Variants in TMPRSS15 observed in about 807,000 individuals in gnomAD.
TMPRSS15 encodes the protein enteropeptidase.
In TMPRSS15, 128 loss-of-function variants were observed where a neutral mutation model predicts 125.3. The observed-to-expected ratio is 1.02, with a 90% confidence interval of 0.89 to 1.18. The LOEUF (loss-of-function observed/expected upper bound fraction) is 1.18, where lower values mean the gene tolerates loss of function less well. Among genes scored for constraint, TMPRSS15 ranks in the 50% most tolerant of loss-of-function variants. TMPRSS15 has a pLI of 0.00. For synonymous variants in TMPRSS15, 446 were observed against 423.2 expected, an observed-to-expected ratio of 1.05 and a Z score of -0.66; for missense variants, 1,283 against 1,212.7, an observed-to-expected ratio of 1.06 and a Z score of -0.86.
chr21:18,280,341 G>C (rs775277958), intron 22 of TMPRSS15, among the ~76,000 whole-genome samples: 138 of 152,070 alleles, frequency 9.1e-4, no homozygotes, highest in Non-Finnish European at 1.5e-3. Flanking sequence ...CTTTGGGAGG[G>C]CAAGGTGGGT....
At chr21:18,322,666 C>T (rs2075251144) in intron 16 of TMPRSS15, among the ~76,000 whole-genome samples, 1 of 152,024 alleles carries the variant, frequency 6.6e-6, no homozygotes, top group Non-Finnish European at 1.5e-5. Flanking sequence ...TATGTGGGAG[C>T]TAAATTAATT....
At chr21:18,415,027 G>T (rs8130666) in intron 1 of TMPRSS15, among the ~76,000 whole-genome samples, 14,832 of 150,458 alleles carry the variant, frequency 0.099, 1,422 homozygotes, top group African/African-American at 0.25. Context: ...GCCCTTATCT[G>T]TTTTTTTTTG....
chr21:18,462,269 A>G (rs2122953057), intron 1 of TMPRSS15, among the ~76,000 whole-genome samples: 4 of 152,158 alleles, frequency 2.6e-5, no homozygotes, highest in Non-Finnish European at 4.4e-5. Flanking sequence ...GTATAATAGC[A>G]ATATGAAAAC....
chr21:18,485,224 AAATT>A (rs1457824056), intron 1 of TMPRSS15, among the ~76,000 whole-genome samples: 1 of 151,892 alleles, frequency 6.6e-6, no homozygotes, highest in Admixed American at 6.6e-5. Flanking sequence ...ATAAATTGTT[AAATT>A]AATAGATATC....
intron 19 of TMPRSS15, among the ~76,000 whole-genome samples, chr21:18,296,023 G>A (rs1005129384): frequency 6.6e-6 from 1 of 152,136 alleles, no homozygotes; most frequent in Non-Finnish European, 1.5e-5. Flanking sequence ...CGTGGTGGCG[G>A]GCACCTGTAG....
intron 1 of TMPRSS15, among the ~76,000 whole-genome samples, chr21:18,468,828 T>G (rs1280477247): frequency 6.6e-6 from 1 of 152,176 alleles, no homozygotes; most frequent in Non-Finnish European, 1.5e-5. Flanking sequence ...TGGTACCATA[T>G]GTAATTCTAC....
At chr21:18,327,392 C>T (rs1324874423) in intron 15 of TMPRSS15, among the ~76,000 whole-genome samples, 1 of 151,952 alleles carries the variant, frequency 6.6e-6, no homozygotes, top group African/African-American at 2.4e-5. Flanking sequence ...TATAAAAGAA[C>T]CAAATTTCAG....
At position 18,433,663 on chromosome 21, in the gene TMPRSS15, C is replaced by CAAAAAAA. The variant is rs58432155; in HGVS notation, c.11-35341_11-35335dup. Among the ~76,000 whole-genome samples the CAAAAAAA allele has an allele frequency of 2.4e-3, 150 of 62,384 alleles. 4 individuals are homozygous for CAAAAAAA. The highest frequency in any genetic ancestry group is 4.1e-3 in the African/African-American group (65 of 15,722). The allele number at this position is 62,384 out of a possible 152,430, so 40.9% of individuals were successfully genotyped here. ...TGGGTGAGAAAGTAAGACCTTGTCTCAAAAAAAAAAAAAAAAAAAAAAAGA... is the reference window on the plus strand; with the variant it reads ...TGGGTGAGAAAGTAAGACCTTGTCTCAAAAAAAAAAAAAAAAAAAAAAAAAAAAAAGA... On this transcript the variant is annotated intron_variant, in intron 1 of 7. Transcript: ENST00000422787.
chr21:18,468,795 T>A (rs917657816), intron 1 of TMPRSS15, among the ~76,000 whole-genome samples: 12 of 152,158 alleles, frequency 7.9e-5, no homozygotes, highest in African/African-American at 2.4e-4. Context: ...GCCTTTTAAT[T>A]TACCCTCTAT....
chr21:18,313,913 C>T (rs1171318905), intron 17 of TMPRSS15, among the ~76,000 whole-genome samples: 3 of 148,416 alleles, frequency 2.0e-5, no homozygotes, highest in Admixed American at 6.7e-5. Flanking sequence ...AAAAAAACCA[C>T]TTTCTTTGTA....
At chr21:18,351,460 T>C (rs1601376112) in intron 10 of TMPRSS15, among the ~76,000 whole-genome samples, 2 of 152,132 alleles carry the variant, frequency 1.3e-5, no homozygotes, top group South Asian at 4.1e-4. Context: ...GTGGGAGTGA[T>C]GGGATCACGG....
At chr21:18,310,462 TCACAAAAAAAAACAAA>T in intron 18 of TMPRSS15, among the ~76,000 whole-genome samples, 1 of 149,548 alleles carries the variant, frequency 6.7e-6, no homozygotes, top group East Asian at 2.0e-4. Flanking sequence ...TCTACAACAA[TCACAAAAAAAAACAAA>T]CACCTAGAAA....
At chr21:18,433,058 C>T (rs923759318) in intron 1 of TMPRSS15, among the ~76,000 whole-genome samples, 2 of 151,832 alleles carry the variant, frequency 1.3e-5, no homozygotes, top group African/African-American at 2.4e-5. Context: ...GTGAAAAATC[C>T]CAATTTAGAA....
intron 16 of TMPRSS15, among the ~76,000 whole-genome samples, chr21:18,320,569 A>T (rs918374829): frequency 1.3e-5 from 2 of 152,194 alleles, no homozygotes; most frequent in African/African-American, 4.8e-5. Flanking sequence ...TAAAAATGTA[A>T]TTCATTTTTG....
chr21:18,409,510 T>C (rs1161716133), intron 1 of TMPRSS15, among the ~76,000 whole-genome samples: 1 of 152,144 alleles, frequency 6.6e-6, no homozygotes, highest in Non-Finnish European at 1.5e-5. Context: ...ACTTTTCTTG[T>C]AATTATTTCA....
chr21:18,307,628 C>T (rs372156886), intron 18 of TMPRSS15, among the ~76,000 whole-genome samples: 1 of 152,058 alleles, frequency 6.6e-6, no homozygotes, highest in Non-Finnish European at 1.5e-5. Context: ...CATACAATAT[C>T]ATCACCTGTG....
intron 8 of TMPRSS15, 26 bp from the exon 9 acceptor site, chr21:18,353,889 A>AT: frequency 1.3e-6 from 2 of 1,591,928 alleles, no homozygotes; most frequent in Non-Finnish European, 8.6e-7. Context: ...AACAACTGTT[A>AT]TATGTATATA....
chr21:18,313,230 T>C (rs1398740300), intron 17 of TMPRSS15, among the ~76,000 whole-genome samples, 153 bp from the exon 18 acceptor site: 1 of 152,100 alleles, frequency 6.6e-6, no homozygotes, highest in African/African-American at 2.4e-5. Context: ...TTAATAATAA[T>C]GTATTGTATA....
chr21:18,409,200 G>A (rs1266699723), intron 1 of TMPRSS15, among the ~76,000 whole-genome samples: 1 of 151,604 alleles, frequency 6.6e-6, no homozygotes, highest in East Asian at 1.9e-4. Flanking sequence ...AATGTATGAT[G>A]CTAACCCTTT....
Sources: gnomAD v4.1 joint callset for allele counts (sites outside exome capture counted in the v4.1 genomes callset) on GRCh38, gnomAD v4.1.1 for gene constraint, MANE v1.5 for transcripts, NCBI Gene and HGNC (gene_info 2026-07-23, HGNC 2026-07-21) for gene names.